Variants in RUBCNL observed in about 807,000 individuals in gnomAD.
RUBCNL encodes the protein protein associated with UVRAG as autophagy enhancer.
In RUBCNL, 62 loss-of-function variants were observed where a neutral mutation model predicts 69.5. The ratio of observed to expected loss-of-function variants is 0.89; its 90% CI spans 0.73 to 1.10. The LOEUF (loss-of-function observed/expected upper bound fraction) is 1.10, where lower values mean the gene tolerates loss of function less well. Ranked by LOEUF, RUBCNL falls within the 50% of genes least tolerant of loss-of-function variation. RUBCNL has a pLI of 0.00. For synonymous variants in RUBCNL, 291 were observed against 303.6 expected (o/e 0.96, Z 0.43); for missense variants, 768 against 798.1 (o/e 0.96, Z 0.45).
chr13:46,334,872 G>A lies in RUBCNL; in HGVS notation c.*8513C>T, dbSNP rs1393872152. Among the ~76,000 whole-genome samples, 1 of 152,098 alleles carries A rather than the reference G, an allele frequency of 6.6e-6. No individual in the cohort carries two copies. Among genetic ancestry groups the A allele is most frequent in the Non-Finnish European group, 1.5e-5 (1 of 68,022 alleles). On this transcript the variant is annotated 3_prime_UTR_variant, in exon 15 of 15. Transcript: ENST00000429979. Reference sequence around the variant, plus strand: ...ACAAATCACAGGACTAGAAGTGAAAGGATCCAAGTGCTTCTGGCTCTAAAT... The same window carrying A: ...ACAAATCACAGGACTAGAAGTGAAAAGATCCAAGTGCTTCTGGCTCTAAAT...
In RUBCNL at chr13:46,341,181, C is replaced by A. The variant is rs2048139307; in HGVS notation, c.*2204G>T. On this transcript the variant is annotated 3_prime_UTR_variant, in exon 15 of 15. Coordinates refer to ENST00000429979, the MANE Select transcript of RUBCNL (RefSeq NM_025113.5). The stretch of plus-strand genomic sequence containing the variant: ...ACTGGAATTGCCCATGTGAAGAGTG[C>A]AGAGGCAGAAAATGAATCACTGACC... Among the ~76,000 whole-genome samples, 1 of 152,180 alleles carries A rather than the reference C, an allele frequency of 6.6e-6. No homozygotes were observed. Among genetic ancestry groups the A allele is most frequent in the South Asian group, 2.1e-4 (1 of 4,834 alleles).
intron 5 of RUBCNL, among the ~76,000 whole-genome samples, chr13:46,367,545 C>A (rs555358739): frequency 6.6e-6 from 1 of 152,174 alleles, no homozygotes; most frequent in South Asian, 2.1e-4. Context: ...GCATGATAAC[C>A]AATCCTGACC....
intron 1 of RUBCNL, among the ~76,000 whole-genome samples, chr13:46,382,604 T>C (rs1207953186): frequency 2.0e-5 from 3 of 152,126 alleles, no homozygotes; most frequent in African/African-American, 7.2e-5. Context: ...ATGATCTCAG[T>C]TCACTGCAAC....
intron 5 of RUBCNL, among the ~76,000 whole-genome samples, chr13:46,367,196 C>T (rs1019907854): frequency 1.7e-4 from 26 of 152,174 alleles, no homozygotes; most frequent in African/African-American, 4.8e-4. Context: ...GTGACAGTGA[C>T]GCACTGTGCT....
chr13:46,375,544 A>G (rs1384575242), intron 2 of RUBCNL, among the ~76,000 whole-genome samples: 1 of 152,076 alleles, frequency 6.6e-6, no homozygotes, highest in Admixed American at 6.6e-5. Flanking sequence ...AACAAAACAA[A>G]AAAAGAGCTA....
intron 12 of RUBCNL, 53 bp from the exon 13 acceptor site, chr13:46,345,653 G>C: frequency 6.4e-7 from 1 of 1,560,708 alleles, no homozygotes. Flanking sequence ...ACAGAGGACA[G>C]GGAAGAATGG....
chr13:46,372,170 T>C lies in RUBCNL; in HGVS notation c.306A>G (p.Thr102=), dbSNP rs557816900. 267 of 1,613,996 alleles carry C rather than the reference T, an allele frequency of 1.7e-4. 3 individuals carry two copies. The South Asian group carries it at 2.7e-3, about 16-fold the overall frequency. The part of the protein sequence containing the change: ...PSCLGDSLAE[T]TLSEDTTDSV... ...AGTCTGTGGTATCCTCAGACAACGT[T>C]GTCTCTGCCAGGGAGTCCCCGAGGC... Residue 102 remains threonine (T), a synonymous_variant, in exon 3 of 15, where the codon ACA becomes ACG. Coordinates refer to ENST00000429979, the MANE Select transcript of RUBCNL (RefSeq NM_025113.5).
chr13:46,371,570 T>C (rs2048875358), intron 3 of RUBCNL, among the ~76,000 whole-genome samples: 1 of 152,166 alleles, frequency 6.6e-6, no homozygotes, highest in African/African-American at 2.4e-5. Context: ...TAGGTACTGG[T>C]GTGAAATGCA....
Position 46,372,545 on chromosome 13 carries a change from T to C in RUBCNL, c.-70A>G. 6.6e-7 allele frequency: 1 copy of C among 1,513,744 alleles called. No individual in the cohort carries two copies. The highest frequency in any genetic ancestry group is 8.9e-7 in the Non-Finnish European group (1 of 1,127,072). 93.8% of individuals were successfully genotyped at this position (1,513,744 alleles called of 1,614,324 possible). A position where few individuals can be genotyped will look rare whatever the true frequency, so the allele number is the denominator to read the frequency against. On this transcript the variant is annotated 5_prime_UTR_variant, in exon 3 of 15. Coordinates refer to ENST00000429979, the MANE Select transcript of RUBCNL (RefSeq NM_025113.5). ...GAGTTCCCTGATTGCTGGTACTACTTGATTTGGGCCCTGAACTCACCACAT... is the reference window on the plus strand; with the variant it reads ...GAGTTCCCTGATTGCTGGTACTACTCGATTTGGGCCCTGAACTCACCACAT...
At chr13:46,363,081 A>T in intron 6 of RUBCNL, 34 bp downstream of exon 6, 1 of 1,366,264 alleles carries the variant, frequency 7.3e-7, no homozygotes, top group Non-Finnish European at 1.0e-6. Context: ...TTGGGGAGGC[A>T]GCCAGTCACA....
Position 46,344,750 on chromosome 13 carries a change from T to C in RUBCNL, c.1867A>G (p.Arg623Gly), listed in dbSNP as rs1314524629. ...TTAAGTTATTAAATACCTGAACATC[T>C]TCTACATGTTGCTGTCTGAAATGGG... Reference protein sequence around the residue: ...IFPFQTATCRRCSACRACFHK... With the variant: ...IFPFQTATCRGCSACRACFHK... The change falls in exon 14 of 15, where the codon AGA (arginine) becomes GGA (glycine). Residue 623 changes from arginine (R) to glycine (G), a missense_variant. Coordinates refer to ENST00000429979, the MANE Select transcript of RUBCNL (RefSeq NM_025113.5). 26 of 1,605,010 alleles carry C rather than the reference T, an allele frequency of 1.6e-5. No individual in the cohort carries two copies. Among genetic ancestry groups the C allele is most frequent in the Non-Finnish European group, 2.0e-5 (24 of 1,173,892 alleles).
intron 10 of RUBCNL, among the ~76,000 whole-genome samples, chr13:46,352,734 G>A (rs1341789318): frequency 1.3e-5 from 2 of 152,204 alleles, no homozygotes; most frequent in Non-Finnish European, 2.9e-5. Context: ...AACCCGGGAG[G>A]CAGAGGTTGC....
intron 10 of RUBCNL, chr13:46,354,917 T>C (rs986179495): frequency 6.7e-6 from 3 of 447,438 alleles, no homozygotes; most frequent in Non-Finnish European, 1.4e-5. Context: ...GTACAGTTTC[T>C]GACTCATGCA....
chr13:46,374,502 TATATTGTCCTCGG>T (rs1413652458), intron 2 of RUBCNL: 6 of 152,352 alleles, frequency 3.9e-5, no homozygotes, highest in African/African-American at 1.4e-4. Flanking sequence ...ATCCATTTAA[TATATTGTCCTCGG>T]ATAGAGGACA....
chr13:46,350,230 G>C lies in RUBCNL; in HGVS notation c.1452C>G (p.Tyr484Ter), dbSNP rs1178847230. Residue 484 changes from tyrosine to a stop codon, truncating the protein, a stop_gained, in exon 11 of 15, where the codon TAC becomes TAG. Coordinates refer to ENST00000429979, the MANE Select transcript of RUBCNL (RefSeq NM_025113.5). LOFTEE classifies it high-confidence loss of function. Reference protein sequence around the residue: ...RILMMWDFKKYYVSNFSKQLL... With the variant: ...RILMMWDFKK Reference sequence around the variant, plus strand: ...GCTGTTTGGAGAAATTGCTGACGTAGTACTTCTTGAAGTCCCACATCATCA... The same window carrying C: ...GCTGTTTGGAGAAATTGCTGACGTACTACTTCTTGAAGTCCCACATCATCA... 1 of 1,593,266 alleles carries C rather than the reference G, an allele frequency of 6.3e-7. No individual in the cohort carries two copies. The highest frequency in any genetic ancestry group is 1.8e-5 in the Admixed American group (1 of 56,676).
At chr13:46,376,411 T>C (rs1305410926) in intron 2 of RUBCNL, among the ~76,000 whole-genome samples, 1 of 152,116 alleles carries the variant, frequency 6.6e-6, no homozygotes, top group East Asian at 1.9e-4. Context: ...ACATGCATCT[T>C]GAAAACACTA....
chr13:46,379,824 T>C (rs1811731880), intron 1 of RUBCNL, among the ~76,000 whole-genome samples: 1 of 152,236 alleles, frequency 6.6e-6, no homozygotes, highest in Admixed American at 6.5e-5. Flanking sequence ...CTTCTTCCCT[T>C]CTTTCTCAGG....
intron 11 of RUBCNL, 88 bp from the exon 12 acceptor site, chr13:46,349,435 G>A (rs1206105821): frequency 1.1e-5 from 14 of 1,241,894 alleles, no homozygotes; most frequent in Non-Finnish European, 1.5e-5. Context: ...TTATTTCTAA[G>A]CTTGAAATGC....
intron 3 of RUBCNL, among the ~76,000 whole-genome samples, chr13:46,370,765 A>T (rs1310814524): frequency 1.3e-5 from 2 of 152,206 alleles, no homozygotes; most frequent in Non-Finnish European, 2.9e-5. Context: ...TCTTCAGTTT[A>T]TTATAACTTG....
Sources: gnomAD v4.1 joint callset for allele counts (sites outside exome capture counted in the v4.1 genomes callset) on GRCh38, gnomAD v4.1.1 for gene constraint, MANE v1.5 for transcripts, NCBI Gene and HGNC (gene_info 2026-07-23, HGNC 2026-07-21) for gene names.